Variants in NFIA observed in about 807,000 individuals in gnomAD.
NFIA encodes nuclear factor I A, also known as nuclear factor 1 A-type.
Under a neutral mutation model 62.8 loss-of-function variants are expected in NFIA, and 8 were observed. That is an observed-to-expected ratio of 0.13 (90% CI 0.07 to 0.23). NFIA has a LOEUF of 0.23. NFIA is among the 10% of genes least tolerant of loss of function. The pLI, the probability that NFIA is intolerant of heterozygous loss-of-function variation, is 1.00. For missense variants in NFIA, 410 were observed against 642.1 expected (o/e 0.64, Z 3.91); for synonymous variants, 235 against 238.1 (o/e 0.99, Z 0.12).
chr1:61,441,318 T>C (rs1228695419), intron 10 of NFIA, among the ~76,000 whole-genome samples: 1 of 149,962 alleles, frequency 6.7e-6, no homozygotes, highest in Non-Finnish European at 1.5e-5. Context: ...TGTGTGTGTG[T>C]GTGTGTGTGT....
intron 2 of NFIA, among the ~76,000 whole-genome samples, chr1:61,243,585 T>G (rs1655471579): frequency 6.6e-6 from 1 of 152,198 alleles, no homozygotes; most frequent in Non-Finnish European, 1.5e-5. Context: ...TGATGATTTA[T>G]TCAGATGACT....
At chr1:61,082,126 C>T (rs1468943837), upstream of NFIA, 35 of 1,279,770 alleles carry the variant, frequency 2.7e-5, no homozygotes, top group African/African-American at 3.5e-4. Context: ...CATCCTGTGG[C>T]AGCCTATAGC....
intron 2 of NFIA, among the ~76,000 whole-genome samples, chr1:61,219,515 C>A (rs529889868): frequency 1.0e-3 from 158 of 151,660 alleles, no homozygotes; most frequent in African/African-American, 3.3e-3. Context: ...GATATCGAGA[C>A]CCTCCTGGCT....
At chr1:61,205,791 AGTC>A (rs1652852696) in intron 2 of NFIA, among the ~76,000 whole-genome samples, 1 of 152,076 alleles carries the variant, frequency 6.6e-6, no homozygotes. Context: ...CGTTTAGTCC[AGTC>A]AGTGTTTCAG....
chr1:61,437,964 T>C (rs948338129), intron 10 of NFIA, among the ~76,000 whole-genome samples: 4 of 152,210 alleles, frequency 2.6e-5, no homozygotes, highest in Non-Finnish European at 5.9e-5. Context: ...GACTTTATTC[T>C]GTGGGAGATG....
At chr1:61,345,961 G>C (rs182028709) in intron 4 of NFIA, among the ~76,000 whole-genome samples, 6 of 152,162 alleles carry the variant, frequency 3.9e-5, no homozygotes, top group Non-Finnish European at 7.3e-5. Flanking sequence ...GTTCATTTTT[G>C]CCATAATTAT....
rs1446443875 is a variant in NFIA, at chr1:61,460,834, T to C, written c.*5514T>C. Reference sequence around the variant, plus strand: ...TGCGATTCCATAATGCTTAGTGAACTGTATGAATATTACTCAAAGTTATGT... The same window carrying C: ...TGCGATTCCATAATGCTTAGTGAACCGTATGAATATTACTCAAAGTTATGT... On this transcript the variant is annotated 3_prime_UTR_variant, in exon 11 of 11. Transcript: ENST00000403491. 6.6e-6 allele frequency: 1 copy of C among 152,192 alleles called. No homozygotes were observed. 9.4% of individuals were successfully genotyped at this position (152,192 alleles called of 1,614,324 possible).
intron 10 of NFIA, among the ~76,000 whole-genome samples, chr1:61,441,122 G>A (rs1199434006): frequency 6.6e-6 from 1 of 152,100 alleles, no homozygotes; most frequent in African/African-American, 2.4e-5. Flanking sequence ...AGGGACTAAT[G>A]GTTTAATATG....
chr1:61,260,602 A>G (rs1320708576), intron 2 of NFIA, among the ~76,000 whole-genome samples: 8 of 152,174 alleles, frequency 5.3e-5, no homozygotes, highest in Middle Eastern at 3.4e-3. Flanking sequence ...TTTTTTTGAG[A>G]CGGAGTCTCG....
intron 2 of NFIA, among the ~76,000 whole-genome samples, chr1:61,129,197 C>T (rs1191269552): frequency 3.3e-5 from 5 of 151,984 alleles, no homozygotes; most frequent in African/African-American, 1.2e-4. Flanking sequence ...GCTGGGATTA[C>T]AGGTGTGAGC....
intron 10 of NFIA, among the ~76,000 whole-genome samples, chr1:61,437,727 A>G (rs554851813): frequency 9.5e-4 from 145 of 152,362 alleles, no homozygotes; most frequent in Non-Finnish European, 2.0e-3. Context: ...AAGATATGCC[A>G]GAGGAGAAGA....
intron 2 of NFIA, among the ~76,000 whole-genome samples, chr1:61,185,280 C>G (rs113023506): frequency 0.012 from 1,823 of 152,028 alleles, 48 homozygotes; most frequent in African/African-American, 0.042. Context: ...TCTTCTGAGC[C>G]CTAAAGAAAT....
chr1:61,128,290 C>T (rs1647010767), intron 2 of NFIA, among the ~76,000 whole-genome samples: 1 of 151,806 alleles, frequency 6.6e-6, no homozygotes, highest in South Asian at 2.1e-4. Context: ...AACAGTGGAC[C>T]GCAGTGAGAT....
intron 7 of NFIA, among the ~76,000 whole-genome samples, chr1:61,400,774 C>A (rs1665520208): frequency 6.6e-6 from 1 of 152,124 alleles, no homozygotes; most frequent in Non-Finnish European, 1.5e-5. Context: ...GATCTGGCCA[C>A]CTCAAAATAT....
At chr1:61,124,430 A>G (rs939333006) in intron 2 of NFIA, among the ~76,000 whole-genome samples, 2 of 152,178 alleles carry the variant, frequency 1.3e-5, no homozygotes, top group African/African-American at 4.8e-5. Flanking sequence ...GGAAAAGTCA[A>G]TTCTGTCTGG....
chr1:61,412,494 GAGA>G (rs1368919359), intron 9 of NFIA, among the ~76,000 whole-genome samples: 11 of 152,290 alleles, frequency 7.2e-5, no homozygotes, highest in African/African-American at 2.6e-4. Flanking sequence ...GATGTGGGTT[GAGA>G]AGAATTGGTG....
intron 4 of NFIA, among the ~76,000 whole-genome samples, chr1:61,334,534 T>TG (rs1661481530): frequency 1.9e-4 from 1 of 5,132 alleles, no homozygotes; most frequent in Non-Finnish European, 6.0e-4. Flanking sequence ...TGTGTGTATA[T>TG]ATGTGTGTGT....
At chr1:61,399,589 G>A (rs781729506) in intron 7 of NFIA, among the ~76,000 whole-genome samples, 1 of 152,220 alleles carries the variant, frequency 6.6e-6, no homozygotes, top group Non-Finnish European at 1.5e-5. Flanking sequence ...GGGAAAATGT[G>A]TGAGAGTTAT....
chr1:61,124,496 T>C (rs1311920547), intron 2 of NFIA, among the ~76,000 whole-genome samples: 1 of 152,186 alleles, frequency 6.6e-6, no homozygotes, highest in Non-Finnish European at 1.5e-5. Flanking sequence ...TATTTTGACA[T>C]GCAAGAGGAG....
Sources: gnomAD v4.1 joint callset for allele counts (sites outside exome capture counted in the v4.1 genomes callset) on GRCh38, gnomAD v4.1.1 for gene constraint, MANE v1.5 for transcripts, NCBI Gene and HGNC (gene_info 2026-07-23, HGNC 2026-07-21) for gene names.